Variants in SCYL3 observed in about 807,000 individuals in gnomAD.
The protein encoded by SCYL3 is protein-associating with the carboxyl-terminal domain of ezrin.
SCYL3 carries 35 observed loss-of-function variants against 73.8 expected under a neutral mutation model. The observed-to-expected ratio is 0.47, with a 90% confidence interval of 0.36 to 0.63. The LOEUF (loss-of-function observed/expected upper bound fraction) is 0.63, where lower values mean the gene tolerates loss of function less well. Ranked by LOEUF, SCYL3 falls within the 20% of genes least tolerant of loss-of-function variation. The pLI is 0.00. For missense variants in SCYL3, 712 were observed against 798.9 expected, an observed-to-expected ratio of 0.89 and a Z score of 1.31; for synonymous variants, 277 against 295.2, an observed-to-expected ratio of 0.94 and a Z score of 0.63.
At position 169,852,284 on chromosome 1, in the gene SCYL3, A is replaced by G. The variant is rs933951598; in HGVS notation, c.*1429T>C. On this transcript the variant is annotated 3_prime_UTR_variant, in exon 13 of 13. Transcript: ENST00000367771. ...GTTTGATTCCTTGCCTTATTAATCA[A>G]ATGAGTCTCCTAATAATTTTTGGCA... 5.0e-5 allele frequency: 16 copies of G among 318,844 alleles called. No homozygotes were observed. The Admixed American group carries it at 5.3e-4, about 11-fold the overall frequency. 19.8% of individuals were successfully genotyped at this position (318,844 alleles called of 1,614,324 possible).
intron 7 of SCYL3, 36 bp downstream of exon 7, chr1:169,868,892 G>A (rs369811459): frequency 8.0e-6 from 12 of 1,494,372 alleles, no homozygotes; most frequent in South Asian, 2.3e-5. Flanking sequence ...GCAGTGTTCC[G>A]GAAGCAGCTG....
intron 5 of SCYL3, among the ~76,000 whole-genome samples, chr1:169,873,205 A>G (rs1660549159): frequency 6.6e-6 from 1 of 152,172 alleles, no homozygotes; most frequent in South Asian, 2.1e-4. Context: ...TTCTGGTAAT[A>G]GTGAGTAGGT....
intron 7 of SCYL3, 77 bp from the exon 8 acceptor site, chr1:169,867,050 C>A: frequency 1.3e-6 from 1 of 759,514 alleles, no homozygotes; most frequent in Non-Finnish European, 2.2e-6. Context: ...TCACAGACTA[C>A]ATCAATATAA....
chr1:169,893,920 G>A (rs1394442340), upstream of SCYL3: 1 of 152,512 alleles, frequency 6.6e-6, no homozygotes, highest in East Asian at 1.9e-4. Flanking sequence ...TGGGGGCCGG[G>A]TTTCTCCTAC....
intron 9 of SCYL3, among the ~76,000 whole-genome samples, chr1:169,863,690 T>G (rs1485204037): frequency 1.3e-5 from 2 of 152,170 alleles, no homozygotes; most frequent in African/African-American, 4.8e-5. Context: ...ATGTAAGACC[T>G]ACTGAGGAAT....
chr1:169,881,690 G>A (rs1661272617), intron 2 of SCYL3, among the ~76,000 whole-genome samples: 1 of 152,288 alleles, frequency 6.6e-6, no homozygotes, highest in Non-Finnish European at 1.5e-5. Flanking sequence ...ATCTTGTGGT[G>A]TGTGTCTTTC....
chr1:169,887,793 T>A (rs1280647731), intron 2 of SCYL3, among the ~76,000 whole-genome samples: 1 of 152,124 alleles, frequency 6.6e-6, no homozygotes, highest in African/African-American at 2.4e-5. Flanking sequence ...ATCAAATAAA[T>A]TACTGTTGTG....
chr1:169,875,604 AC>A (rs1001313070), intron 4 of SCYL3, among the ~76,000 whole-genome samples: 3 of 152,218 alleles, frequency 2.0e-5, no homozygotes, highest in African/African-American at 7.2e-5. Context: ...AGAGACTCAC[AC>A]CCTTAAGAGC....
chr1:169,858,252 T>C lies in SCYL3; in HGVS notation c.1312+789A>G, dbSNP rs572242285. On this transcript the variant is annotated intron_variant, in intron 11 of 12. Coordinates refer to ENST00000367771, the MANE Select transcript of SCYL3 (RefSeq NM_020423.7). ...CCTTATTCTGTAAGCTTTTTCTGTT[T>C]TTAAAATTATTTACTTATTTTTACT... is the stretch of plus-strand genomic sequence containing the variant. 3.9e-5 allele frequency among the ~76,000 whole-genome samples: 6 copies of C among 152,368 alleles called. No individual in the cohort carries two copies. The East Asian group carries it at 1.2e-3, about 29-fold the overall frequency.
Position 169,854,494 on chromosome 1 carries a change from C to G in SCYL3, c.1783G>C (p.Val595Leu), listed in dbSNP as rs199637041. The change falls in exon 12 of 13, where the codon GTT (valine) becomes CTT (leucine). Residue 595 changes from valine (V) to leucine (L), a missense_variant. Val to Leu is a conservative substitution (Grantham distance 32, BLOSUM62 1). Transcript: ENST00000367771. Reference sequence around the variant, plus strand: ...TCTCCTAAACCAAGTTCTGATGGAACCTTAAGGGGCCTTTCTTGTGATGAC... The same window carrying G: ...TCTCCTAAACCAAGTTCTGATGGAAGCTTAAGGGGCCTTTCTTGTGATGAC... ...KVSSQERPLK[V>L]PSELGLGEEF... 6 of 1,614,032 alleles carry G rather than the reference C, an allele frequency of 3.7e-6. No homozygotes were observed. Among genetic ancestry groups the G allele is most frequent in the Non-Finnish European group, 5.1e-6 (6 of 1,179,982 alleles).
intron 9 of SCYL3, among the ~76,000 whole-genome samples, chr1:169,863,202 C>T (rs1308643701): frequency 6.6e-6 from 1 of 152,150 alleles, no homozygotes; most frequent in Non-Finnish European, 1.5e-5. Context: ...TGAGCCACCG[C>T]GCCCGGCCAG....
chr1:169,873,248 T>C (rs1479227370), intron 5 of SCYL3, among the ~76,000 whole-genome samples: 1 of 152,154 alleles, frequency 6.6e-6, no homozygotes, highest in Non-Finnish European at 1.5e-5. Context: ...TAAAAGGGAA[T>C]TTTCCTGCAC....
In SCYL3 at chr1:169,851,744, T is replaced by C; in HGVS notation, c.*1969A>G. 1 of 1,552,238 alleles carries C rather than the reference T, an allele frequency of 6.4e-7. No homozygotes were observed. Among genetic ancestry groups the C allele is most frequent in the Non-Finnish European group, 8.7e-7 (1 of 1,148,920 alleles). On this transcript the variant is annotated 3_prime_UTR_variant, in exon 13 of 13. Coordinates refer to ENST00000367771, the MANE Select transcript of SCYL3 (RefSeq NM_020423.7). ...TATGGTTGAACACTCAGCACTTAAA[T>C]TATGTGGCCATTTCATATCTAGTAG...
intron 4 of SCYL3, 95 bp from the exon 5 acceptor site, chr1:169,873,847 C>T: frequency 1.3e-6 from 1 of 797,740 alleles, no homozygotes; most frequent in Non-Finnish European, 2.1e-6. Context: ...GCAATGCAAA[C>T]AGCACCAATT....
At chr1:169,878,108 C>A (rs1234478520) in intron 3 of SCYL3, among the ~76,000 whole-genome samples, 1 of 152,136 alleles carries the variant, frequency 6.6e-6, no homozygotes, top group Admixed American at 6.5e-5. Context: ...CATCAGAGAG[C>A]CAAGCACACT....
At chr1:169,891,816 T>C (rs188963553) in intron 1 of SCYL3, among the ~76,000 whole-genome samples, 1 of 152,328 alleles carries the variant, frequency 6.6e-6, no homozygotes, top group East Asian at 1.9e-4. Flanking sequence ...TATTTCTAAA[T>C]AGCAAAATAC....
intron 2 of SCYL3, among the ~76,000 whole-genome samples, chr1:169,884,464 A>G (rs1434500336): frequency 6.6e-6 from 1 of 151,540 alleles, no homozygotes; most frequent in Non-Finnish European, 1.5e-5. Context: ...TGCCTGGCTA[A>G]TTTTTGTGTT....
intron 5 of SCYL3, among the ~76,000 whole-genome samples, chr1:169,871,915 C>T (rs1480710351): frequency 2.0e-5 from 3 of 152,178 alleles, no homozygotes; most frequent in African/African-American, 7.2e-5. Context: ...CAAGAGGTGA[C>T]TTGGGTGCTG....
chr1:169,860,923 C>A (rs1353144213), intron 10 of SCYL3, among the ~76,000 whole-genome samples: 1 of 152,218 alleles, frequency 6.6e-6, no homozygotes, highest in African/African-American at 2.4e-5. Flanking sequence ...CAAATTGGCC[C>A]ACTCTTCTTT....
Sources: allele counts gnomAD v4.1 joint callset (sites outside exome capture counted in the v4.1 genomes callset), GRCh38; gene constraint gnomAD v4.1.1; transcripts MANE v1.5; gene names NCBI Gene and HGNC (gene_info 2026-07-23, HGNC 2026-07-21).